GRIK2: variants seen among roughly 807,000 people sequenced by gnomAD.
GRIK2 encodes glutamate ionotropic receptor kainate type subunit 2.
A neutral mutation model predicts 100.3 loss-of-function variants in GRIK2; 32 were observed. The observed-to-expected ratio is 0.32, with a 90% CI of 0.24 to 0.43. The LOEUF (loss-of-function observed/expected upper bound fraction) is 0.43, where lower values mean the gene tolerates loss of function less well. Among genes scored for constraint, GRIK2 ranks in the 20% least tolerant of loss-of-function variants. GRIK2 has a pLI of 1.00. For missense variants in GRIK2, 843 were observed against 1,114.9 expected (o/e 0.76, Z 3.47); for synonymous variants, 417 against 389.4 (o/e 1.07, Z -0.83).
chr6:101,569,498 A>G (rs1348001195), intron 2 of GRIK2, among the ~76,000 whole-genome samples: 1 of 151,896 alleles, frequency 6.6e-6, no homozygotes, highest in Non-Finnish European at 1.5e-5. Flanking sequence ...AATATTATAA[A>G]GCTGAGTGGC....
intron 1 of GRIK2, among the ~76,000 whole-genome samples, chr6:101,395,768 C>A (rs1345098650): frequency 6.6e-6 from 1 of 151,902 alleles, no homozygotes; most frequent in East Asian, 1.9e-4. Context: ...ATATTTGTGT[C>A]AGCCTTCTAT....
intron 2 of GRIK2, among the ~76,000 whole-genome samples, chr6:101,405,443 C>T (rs766375957): frequency 6.6e-6 from 1 of 151,100 alleles, no homozygotes; most frequent in Non-Finnish European, 1.5e-5. Flanking sequence ...GATAAATTCT[C>T]TATGTTCTAT....
At chr6:101,887,302 T>C (rs147313062) in intron 11 of GRIK2, among the ~76,000 whole-genome samples, 88 of 152,246 alleles carry the variant, frequency 5.8e-4, no homozygotes, top group African/African-American at 2.0e-3. Flanking sequence ...GTACGATAAA[T>C]ACATAAAATT....
intron 2 of GRIK2, among the ~76,000 whole-genome samples, chr6:101,547,089 C>G (rs1003397941): frequency 2.6e-5 from 4 of 151,880 alleles, no homozygotes; most frequent in Non-Finnish European, 5.9e-5. Flanking sequence ...CCTCGGCCTC[C>G]CAAAGTGCTG....
intron 2 of GRIK2, among the ~76,000 whole-genome samples, chr6:101,516,289 A>G (rs1396549668): frequency 6.6e-6 from 1 of 152,132 alleles, no homozygotes; most frequent in Non-Finnish European, 1.5e-5. Context: ...AAGCAAGACT[A>G]AGCAAAAAGA....
chr6:101,715,420 C>A (rs1341391656), intron 7 of GRIK2, among the ~76,000 whole-genome samples: 1 of 151,762 alleles, frequency 6.6e-6, no homozygotes, highest in Non-Finnish European at 1.5e-5. Flanking sequence ...CCCTGGCAGA[C>A]AGGAGGAAAG....
At chr6:102,029,882 G>T (rs1440175858) in intron 14 of GRIK2, among the ~76,000 whole-genome samples, 1 of 151,154 alleles carries the variant, frequency 6.6e-6, no homozygotes, top group Non-Finnish European at 1.5e-5. Flanking sequence ...GAGCCAGGCT[G>T]AGTCTCAATT....
At chr6:101,928,697 C>T in intron 14 of GRIK2, 65 bp downstream of exon 14, 1 of 805,250 alleles carries the variant, frequency 1.2e-6, no homozygotes, top group South Asian at 1.4e-5. Context: ...TCTCTCGATT[C>T]ACAAATGTAA....
At chr6:101,466,496 T>C (rs529256746) in intron 2 of GRIK2, among the ~76,000 whole-genome samples, 12 of 152,088 alleles carry the variant, frequency 7.9e-5, no homozygotes, top group African/African-American at 2.2e-4. Flanking sequence ...TCAGTTGCTG[T>C]GTAAATAAAA....
chr6:101,402,669 G>A (rs1469503887), intron 2 of GRIK2, among the ~76,000 whole-genome samples: 1 of 152,196 alleles, frequency 6.6e-6, no homozygotes, highest in Non-Finnish European at 1.5e-5. Context: ...CCACCCGGCG[G>A]GCAAGGTGCA....
At chr6:101,753,848 A>G (rs184955024) in intron 7 of GRIK2, among the ~76,000 whole-genome samples, 2 of 152,086 alleles carry the variant, frequency 1.3e-5, no homozygotes, top group Admixed American at 6.6e-5. Context: ...AAATCAATTG[A>G]AATACAGTCT....
intron 11 of GRIK2, among the ~76,000 whole-genome samples, chr6:101,863,785 G>A (rs931587877): frequency 6.6e-6 from 1 of 152,138 alleles, no homozygotes; most frequent in Non-Finnish European, 1.5e-5. Context: ...TTCTTACTCT[G>A]TCTTGAGTGA....
chr6:101,567,428 T>G (rs1301631756), intron 2 of GRIK2, among the ~76,000 whole-genome samples: 1 of 151,988 alleles, frequency 6.6e-6, no homozygotes, highest in Non-Finnish European at 1.5e-5. Context: ...ACTCCAAGCA[T>G]TCTTCATTTT....
chr6:101,807,241 G>C (rs1781061392), intron 9 of GRIK2, among the ~76,000 whole-genome samples: 1 of 151,800 alleles, frequency 6.6e-6, no homozygotes, highest in Non-Finnish European at 1.5e-5. Flanking sequence ...GTTTCAAGTG[G>C]GTAAAGGATT....
At chr6:101,602,920 G>T (rs1779288935) in intron 2 of GRIK2, among the ~76,000 whole-genome samples, 1 of 151,558 alleles carries the variant, frequency 6.6e-6, no homozygotes, top group Non-Finnish European at 1.5e-5. Flanking sequence ...AAACAGAATT[G>T]TTTTTTGGAA....
intron 2 of GRIK2, among the ~76,000 whole-genome samples, chr6:101,502,463 A>C (rs1773808844): frequency 6.6e-6 from 1 of 152,212 alleles, no homozygotes; most frequent in African/African-American, 2.4e-5. Flanking sequence ...GAATGCACTG[A>C]AATAAAAAGA....
intron 12 of GRIK2, among the ~76,000 whole-genome samples, chr6:101,906,145 A>G (rs1339498054): frequency 6.6e-6 from 1 of 151,744 alleles, no homozygotes; most frequent in Admixed American, 6.6e-5. Flanking sequence ...TTTGGAATAC[A>G]TGTACCATAG....
intron 15 of GRIK2, among the ~76,000 whole-genome samples, chr6:102,039,549 C>G (rs1329010611): frequency 1.3e-5 from 2 of 151,432 alleles, no homozygotes; most frequent in East Asian, 3.9e-4. Context: ...CGTCTTGTCT[C>G]TTATTTCACC....
At chr6:101,982,978 GA>G (rs1793808019) in intron 14 of GRIK2, among the ~76,000 whole-genome samples, 2 of 151,792 alleles carry the variant, frequency 1.3e-5, no homozygotes, top group South Asian at 2.1e-4. Flanking sequence ...CCTTAGAGGG[GA>G]AAAACATGCC....
Sources: gnomAD v4.1 joint callset for allele counts (sites outside exome capture counted in the v4.1 genomes callset) on GRCh38, gnomAD v4.1.1 for gene constraint, MANE v1.5 for transcripts, NCBI Gene and HGNC (gene_info 2026-07-23, HGNC 2026-07-21) for gene names.